The following IFT80 variants were observed in gnomAD, a reference collection of about 807,000 sequenced individuals.
The protein encoded by IFT80 is intraflagellar transport 80.
A neutral mutation model predicts 107.9 loss-of-function variants in IFT80; 79 were observed. The ratio of observed to expected loss-of-function variants is 0.73; its 90% CI spans 0.61 to 0.88. The LOEUF (loss-of-function observed/expected upper bound fraction) is 0.88. Among genes scored for constraint, IFT80 ranks in the 40% least tolerant of loss-of-function variants. IFT80 has a pLI of 0.00. For synonymous variants in IFT80, 299 were observed against 300.9 expected (o/e 0.99, Z 0.07); for missense variants, 797 against 914.2 (o/e 0.87, Z 1.65).
At chr3:160,324,612 T>A (rs1336822453) in intron 8 of IFT80, among the ~76,000 whole-genome samples, 1 of 152,014 alleles carries the variant, frequency 6.6e-6, no homozygotes, top group Non-Finnish European at 1.5e-5. Flanking sequence ...ATAAATTAGG[T>A]ATTGATGGGA....
chr3:160,298,584 CCAGAAAATTT>C (rs11279747), intron 12 of IFT80, among the ~76,000 whole-genome samples: 5,393 of 152,124 alleles, frequency 0.035, 334 homozygotes, highest in African/African-American at 0.12. Context: ...TGAATTAACT[CCAGAAAATTT>C]CAGAAAATTT....
At chr3:160,307,089 G>C (rs577507976) in intron 10 of IFT80, among the ~76,000 whole-genome samples, 4 of 152,308 alleles carry the variant, frequency 2.6e-5, no homozygotes, top group South Asian at 2.1e-4. Context: ...TAGTATGCTA[G>C]AGCCAGCCTG....
intron 8 of IFT80, among the ~76,000 whole-genome samples, chr3:160,330,149 T>C (rs1718984817): frequency 6.6e-6 from 1 of 152,224 alleles, no homozygotes; most frequent in Non-Finnish European, 1.5e-5. Context: ...TTATCAATGC[T>C]AGCTGCACAT....
chr3:160,287,175 A>C (rs1715156529), intron 12 of IFT80, among the ~76,000 whole-genome samples: 3 of 152,192 alleles, frequency 2.0e-5, no homozygotes, highest in Non-Finnish European at 4.4e-5. Flanking sequence ...TCCTGAGAGA[A>C]GAGGGCACAG....
intron 19 of IFT80, among the ~76,000 whole-genome samples, chr3:160,266,094 T>C (rs1393902505): frequency 4.6e-5 from 7 of 151,728 alleles, no homozygotes; most frequent in Non-Finnish European, 8.8e-5. Context: ...ATGACATTTA[T>C]GAAGAAAAGT....
intron 19 of IFT80, among the ~76,000 whole-genome samples, chr3:160,260,483 C>T (rs546710567): frequency 6.6e-6 from 1 of 152,298 alleles, no homozygotes; most frequent in African/African-American, 2.4e-5. Flanking sequence ...TACTGAACAA[C>T]TGCTGCTCTG....
chr3:160,257,042 CAT>C lies in IFT80; in HGVS notation c.*1481_*1482del, dbSNP rs1379226871. 1 of 152,024 alleles carries C rather than the reference CAT, an allele frequency of 6.6e-6. No homozygotes were observed. The highest frequency in any genetic ancestry group is 1.5e-5 in the Non-Finnish European group (1 of 67,992). The allele number at this position is 152,024 out of a possible 1,614,324, so 9.4% of individuals were successfully genotyped here. On this transcript the variant is annotated 3_prime_UTR_variant, in exon 20 of 20. Transcript: ENST00000326448. Reference sequence around the variant, plus strand: ...ATTTATTGTGGTAAAATATACATAACATAAAACCTTTTAACCATTTATTTTTA... The same window carrying C: ...ATTTATTGTGGTAAAATATACATAACAAAACCTTTTAACCATTTATTTTTA...
intron 8 of IFT80, chr3:160,343,729 C>T (rs1303542546): frequency 1.1e-5 from 3 of 280,704 alleles, no homozygotes; most frequent in African/African-American, 2.3e-5. Flanking sequence ...CCATCTCCTT[C>T]GCCCAGCTTA....
intron 1 of IFT80, among the ~76,000 whole-genome samples, chr3:160,392,175 C>G (rs1266735912): frequency 6.6e-6 from 1 of 152,180 alleles, no homozygotes; most frequent in Admixed American, 6.5e-5. Context: ...GGGAAAGGAA[C>G]TACAGAGAAT....
At chr3:160,317,641 A>G (rs1490475151) in intron 9 of IFT80, among the ~76,000 whole-genome samples, 1 of 152,134 alleles carries the variant, frequency 6.6e-6, no homozygotes, top group Non-Finnish European at 1.5e-5. Context: ...CAGGTTAATT[A>G]GAAGAAATAT....
At chr3:160,325,417 C>G (rs866077240) in intron 8 of IFT80, among the ~76,000 whole-genome samples, 1 of 152,016 alleles carries the variant, frequency 6.6e-6, no homozygotes, top group Non-Finnish European at 1.5e-5. Flanking sequence ...AAATATTTAT[C>G]TAAGAACTTA....
At chr3:160,366,496 G>A (rs1407817793) in intron 5 of IFT80, among the ~76,000 whole-genome samples, 1 of 151,878 alleles carries the variant, frequency 6.6e-6, no homozygotes, top group African/African-American at 2.4e-5. Context: ...AGAAATAGCA[G>A]AAAAGTCATG....
In IFT80 at chr3:160,350,028, A is replaced by T. The variant is rs997473380; in HGVS notation, c.777+5985T>A. On this transcript the variant is annotated intron_variant, in intron 8 of 19. Transcript: ENST00000326448. The stretch of plus-strand genomic sequence containing the variant: ...TTTAAAATTTATTACAACTATAATT[A>T]AATAACTGAGTGTATAATTAATGTT... Among the ~76,000 whole-genome samples, 39 of 152,314 alleles carry T rather than the reference A, an allele frequency of 2.6e-4. 1 individual carries two copies. Among genetic ancestry groups the T allele is most frequent in the African/African-American group, 8.9e-4 (37 of 41,574 alleles).
At chr3:160,380,156 C>A (rs1283341093) in intron 3 of IFT80, among the ~76,000 whole-genome samples, 1 of 151,848 alleles carries the variant, frequency 6.6e-6, no homozygotes, top group African/African-American at 2.4e-5. Flanking sequence ...TCTCAGCCTC[C>A]CAAGTAGCTG....
At chr3:160,312,924 T>A (rs1717471064) in intron 9 of IFT80, among the ~76,000 whole-genome samples, 1 of 25,466 alleles carries the variant, frequency 3.9e-5, no homozygotes, top group African/African-American at 1.3e-4. Context: ...ATATTATATA[T>A]AAATATATAA....
At chr3:160,312,663 TATATA>T (rs1376137411) in intron 9 of IFT80, among the ~76,000 whole-genome samples, 30 of 41,672 alleles carry the variant, frequency 7.2e-4, no homozygotes, top group African/African-American at 2.0e-3. Flanking sequence ...AAATATATAA[TATATA>T]ATATATATAA....
chr3:160,323,243 C>G (rs1315255354), intron 8 of IFT80, among the ~76,000 whole-genome samples: 29 of 149,600 alleles, frequency 1.9e-4, no homozygotes, highest in Non-Finnish European at 5.9e-5. Flanking sequence ...CCAGTTTCAG[C>G]TTTCTACATA....
At chr3:160,312,869 TA>T (rs1338103752) in intron 9 of IFT80, among the ~76,000 whole-genome samples, 1 of 34,102 alleles carries the variant, frequency 2.9e-5, no homozygotes, top group African/African-American at 1.1e-4. Context: ...ATATAATATA[TA>T]ATAAATATAT....
chr3:160,395,082 T>G (rs1287424960), intron 1 of IFT80, among the ~76,000 whole-genome samples: 2 of 152,218 alleles, frequency 1.3e-5, no homozygotes, highest in Non-Finnish European at 2.9e-5. Flanking sequence ...ACTTATATAT[T>G]TAATATAGAA....
Sources: allele counts gnomAD v4.1 joint callset (sites outside exome capture counted in the v4.1 genomes callset), GRCh38; gene constraint gnomAD v4.1.1; transcripts MANE v1.5; gene names NCBI Gene and HGNC (gene_info 2026-07-23, HGNC 2026-07-21).